The following EPB41L2 variants were observed in gnomAD, a reference collection of about 807,000 sequenced individuals.
The protein encoded by EPB41L2 is erythrocyte membrane protein band 4.1 like 2.
EPB41L2 carries 43 observed loss-of-function variants against 113.0 expected under a neutral mutation model. That is an observed-to-expected ratio of 0.38 (90% CI 0.30 to 0.49). The LOEUF (loss-of-function observed/expected upper bound fraction) is 0.49. EPB41L2 is among the 20% of genes least tolerant of loss of function. EPB41L2 has a pLI of 0.95. For missense variants in EPB41L2, 1,147 were observed against 1,223.4 expected, an observed-to-expected ratio of 0.94 and a Z score of 0.93; for synonymous variants, 442 against 436.7, an observed-to-expected ratio of 1.01 and a Z score of -0.15.
At chr6:130,884,433 A>G (rs1205381466) in intron 12 of EPB41L2, among the ~76,000 whole-genome samples, 1 of 152,250 alleles carries the variant, frequency 6.6e-6, no homozygotes, top group Non-Finnish European at 1.5e-5. Flanking sequence ...CATGCAAAAA[A>G]AAGTCGCTTT....
intron 1 of EPB41L2, among the ~76,000 whole-genome samples, chr6:130,994,741 A>T (rs1782661010): frequency 6.6e-6 from 1 of 152,188 alleles, no homozygotes. Context: ...GGGGCCCCCA[A>T]ATCAGTAAGC....
At chr6:130,910,348 T>G (rs1339875786) in intron 4 of EPB41L2, among the ~76,000 whole-genome samples, 1 of 152,120 alleles carries the variant, frequency 6.6e-6, no homozygotes, top group Non-Finnish European at 1.5e-5. Flanking sequence ...GAAACTGGAC[T>G]CCTTCCTTAC....
chr6:130,857,409 T>G (rs1314232525), intron 19 of EPB41L2, among the ~76,000 whole-genome samples: 2 of 152,208 alleles, frequency 1.3e-5, no homozygotes, highest in Non-Finnish European at 2.9e-5. Flanking sequence ...CAGGATACTA[T>G]TCCTTTCTCT....
chr6:131,006,192 G>A (rs1331787223), intron 1 of EPB41L2, among the ~76,000 whole-genome samples: 2 of 151,594 alleles, frequency 1.3e-5, no homozygotes, highest in African/African-American at 4.8e-5. Context: ...GAGTAGCTGG[G>A]ATTACAGGCA....
intron 19 of EPB41L2, among the ~76,000 whole-genome samples, chr6:130,842,543 A>AAAAC (rs1775843642): frequency 6.6e-6 from 1 of 152,174 alleles, no homozygotes; most frequent in Non-Finnish European, 1.5e-5. Context: ...TGTTATTAAA[A>AAAAC]AAACAAACCC....
intron 1 of EPB41L2, among the ~76,000 whole-genome samples, chr6:131,026,162 A>G (rs1393392989): frequency 6.6e-6 from 1 of 152,236 alleles, no homozygotes; most frequent in Non-Finnish European, 1.5e-5. Flanking sequence ...GGCAGGGACT[A>G]GATTCATTTT....
At chr6:131,047,422 T>C (rs1162617880) in intron 1 of EPB41L2, among the ~76,000 whole-genome samples, 2 of 152,200 alleles carry the variant, frequency 1.3e-5, no homozygotes, top group South Asian at 2.1e-4. Context: ...ACATGGTGCT[T>C]ATTGTTATCA....
chr6:130,956,369 G>T lies in EPB41L2; in HGVS notation c.117C>A (p.Ser39=). 6.2e-7 allele frequency: 1 copy of T among 1,614,042 alleles called. No individual in the cohort carries two copies. The highest frequency in any genetic ancestry group is 8.5e-7 in the Non-Finnish European group (1 of 1,180,004). Residue 39 remains serine, a synonymous_variant, in exon 2 of 20, where the codon TCC becomes TCA. Coordinates refer to ENST00000337057, the MANE Select transcript of EPB41L2 (RefSeq NM_001431.4). ...GGGAACCTTTTTCCTCCTCTGGATC[G>T]GAAGACTGATTCTGCTGATTTTCTG... ...EVAENQQNQS[S]DPEEEKGSQP...
At chr6:130,905,170 T>C (rs961813023) in intron 5 of EPB41L2, among the ~76,000 whole-genome samples, 2 of 152,270 alleles carry the variant, frequency 1.3e-5, no homozygotes, top group East Asian at 3.9e-4. Flanking sequence ...CCATAAAGAA[T>C]GAATAAGTCA....
rs532396967 is a variant in EPB41L2, at chr6:130,975,507, G to T, written c.-14-19008C>A. Among the ~76,000 whole-genome samples the T allele has an allele frequency of 2.0e-5, 3 of 152,230 alleles. No homozygotes were observed. In the East Asian group the frequency reaches 5.8e-4, roughly 29 times the overall value. ...CCAATAATCTGATGAGTCACTCATG[G>T]CTCAAAAACCTTAAGAGACACAAAC... is the stretch of plus-strand genomic sequence containing the variant. On this transcript the variant is annotated intron_variant, in intron 1 of 19. Coordinates refer to ENST00000337057, the MANE Select transcript of EPB41L2 (RefSeq NM_001431.4).
At chr6:130,987,119 C>G (rs183876979) in intron 1 of EPB41L2, among the ~76,000 whole-genome samples, 2 of 152,248 alleles carry the variant, frequency 1.3e-5, no homozygotes, top group East Asian at 3.9e-4. Flanking sequence ...GGTGTTTATC[C>G]ATTCATCAAT....
At chr6:130,871,313 T>G (rs1311663382) in intron 14 of EPB41L2, among the ~76,000 whole-genome samples, 2 of 152,178 alleles carry the variant, frequency 1.3e-5, no homozygotes, top group South Asian at 2.1e-4. Context: ...ACTTTTTGAC[T>G]TCTAGGTGGT....
intron 1 of EPB41L2, among the ~76,000 whole-genome samples, chr6:131,027,843 C>T (rs1791222833): frequency 6.6e-6 from 1 of 152,198 alleles, no homozygotes; most frequent in Admixed American, 6.5e-5. Context: ...ACTGCAAGGA[C>T]TTGAACTATT....
chr6:130,896,507 C>A (rs1056871087), intron 8 of EPB41L2, among the ~76,000 whole-genome samples: 1 of 152,108 alleles, frequency 6.6e-6, no homozygotes, highest in Admixed American at 6.5e-5. Flanking sequence ...GGGAGGCAAC[C>A]CGCATTTGAA....
intron 14 of EPB41L2, among the ~76,000 whole-genome samples, chr6:130,872,196 A>C (rs1011614379): frequency 1.3e-5 from 2 of 152,196 alleles, no homozygotes; most frequent in African/African-American, 4.8e-5. Flanking sequence ...AGAAACATCC[A>C]ATCTATATCT....
intron 12 of EPB41L2, chr6:130,880,579 A>C: frequency 1.8e-6 from 1 of 541,500 alleles, no homozygotes; most frequent in Non-Finnish European, 3.2e-6. Context: ...TTGAACTTAA[A>C]TGGTGAACCA....
At chr6:131,057,277 T>C (rs1413189820) in intron 1 of EPB41L2, among the ~76,000 whole-genome samples, 1 of 152,142 alleles carries the variant, frequency 6.6e-6, no homozygotes, top group African/African-American at 2.4e-5. Context: ...TGCATGCACA[T>C]GGGAACACAA....
At chr6:130,934,051 G>A (rs986961328) in intron 3 of EPB41L2, among the ~76,000 whole-genome samples, 6 of 152,178 alleles carry the variant, frequency 3.9e-5, no homozygotes, top group Non-Finnish European at 7.3e-5. Flanking sequence ...AAAAGGCCAA[G>A]GAAAGAAAGG....
chr6:130,839,518 C>T lies in EPB41L2; in HGVS notation c.*1086G>A, dbSNP rs1402660039. The stretch of plus-strand genomic sequence containing the variant: ...ATAAGTCCCTATCGGGTCTCTGGTG[C>T]CAGCTTTAAATGGTATAACTTTCTT... On this transcript the variant is annotated 3_prime_UTR_variant, in exon 20 of 20. Coordinates refer to ENST00000337057, the MANE Select transcript of EPB41L2 (RefSeq NM_001431.4). The T allele has an allele frequency of 6.6e-6, 1 of 152,228 alleles. No homozygotes were observed. Among genetic ancestry groups the T allele is most frequent in the East Asian group, 1.9e-4 (1 of 5,178 alleles). 9.4% of individuals were successfully genotyped at this position (152,228 alleles called of 1,614,324 possible).
Sources: allele counts gnomAD v4.1 joint callset (sites outside exome capture counted in the v4.1 genomes callset), GRCh38; gene constraint gnomAD v4.1.1; transcripts MANE v1.5; gene names NCBI Gene and HGNC (gene_info 2026-07-23, HGNC 2026-07-21).